The following PPEF1 variants were observed in gnomAD, a reference collection of about 807,000 sequenced individuals.
The protein encoded by PPEF1 is protein phosphatase with EF-hand domain 1.
PPEF1 carries 12 observed loss-of-function variants against 53.3 expected under a neutral mutation model. The observed-to-expected ratio is 0.23, with a 90% confidence interval of 0.14 to 0.36. The LOEUF (loss-of-function observed/expected upper bound fraction) is 0.36, where lower values mean the gene tolerates loss of function less well. Among genes scored for constraint, PPEF1 ranks in the 10% least tolerant of loss-of-function variants. PPEF1 has a pLI of 1.00. For missense variants in PPEF1, 334 were observed against 490.4 expected, an observed-to-expected ratio of 0.68 and a Z score of 3.01; for synonymous variants, 165 against 176.7, an observed-to-expected ratio of 0.93 and a Z score of 0.52.
chrX:18,801,660 G>A (rs566625164), intron 10 of PPEF1, among the ~76,000 whole-genome samples: 17 of 111,388 alleles, frequency 1.5e-4, no homozygotes, highest in South Asian at 1.1e-3. Context: ...TTTTCTCACC[G>A]CTTTAAGCTG....
At chrX:18,788,046 G>A (rs1223883885) in intron 9 of PPEF1, among the ~76,000 whole-genome samples, 1 of 112,122 alleles carries the variant, frequency 8.9e-6, no homozygotes, top group Non-Finnish European at 1.9e-5. Context: ...GCCGGGTGCA[G>A]TGGCTCACGC....
upstream of PPEF1, among the ~76,000 whole-genome samples, chrX:18,682,899 A>C (rs1036517574): frequency 9.0e-6 from 1 of 111,502 alleles, no homozygotes; most frequent in Middle Eastern, 4.6e-3. Flanking sequence ...GCAATTTATA[A>C]AGGAAAGAGG....
chrX:18,811,882 C>T (rs772021808), intron 12 of PPEF1, among the ~76,000 whole-genome samples: 7 of 110,999 alleles, frequency 6.3e-5, no homozygotes, highest in Non-Finnish European at 1.1e-4. Flanking sequence ...GCTGGGATTA[C>T]AGGCGTGAGC....
At chrX:18,677,182 GC>G (rs774122404) in intron 1 of PPEF1, among the ~76,000 whole-genome samples, 2 of 109,137 alleles carry the variant, frequency 1.8e-5, no homozygotes, top group East Asian at 2.9e-4. Context: ...GATTACAGGC[GC>G]CCCCCCACCA....
At chrX:18,771,941 C>T (rs1644858351) in intron 6 of PPEF1, among the ~76,000 whole-genome samples, 1 of 110,954 alleles carries the variant, frequency 9.0e-6, no homozygotes, top group Non-Finnish European at 1.9e-5. Context: ...ATGGCGAAAC[C>T]CCGTTTCTAC....
intron 15 of PPEF1, among the ~76,000 whole-genome samples, chrX:18,827,013 T>A (rs1056766470): frequency 9.0e-6 from 1 of 111,624 alleles, no homozygotes; most frequent in Admixed American, 9.6e-5. Flanking sequence ...CCACATTTAG[T>A]CCCATAGTCC....
At chrX:18,807,431 T>A (rs1255197732) in intron 12 of PPEF1, among the ~76,000 whole-genome samples, 1 of 112,199 alleles carries the variant, frequency 8.9e-6, no homozygotes, top group Non-Finnish European at 1.9e-5. Flanking sequence ...CCTTTCTCAA[T>A]TATCCTTTTC....
In PPEF1 at chrX:18,827,788, G is replaced by A. The variant is rs1432683374; in HGVS notation, c.*301G>A. On this transcript the variant is annotated 3_prime_UTR_variant, in exon 16 of 16. Coordinates refer to ENST00000470157, the MANE Select transcript of PPEF1 (RefSeq NM_001377996.1). ...TGCCACCTAACCAGGAGGCCAGAGC[G>A]GTTTGAAAACATCCTGAAAGGAACT... The A allele has an allele frequency of 1.3e-5, 3 of 227,669 alleles. No homozygotes were observed. The highest frequency in any genetic ancestry group is 5.7e-5 in the African/African-American group (2 of 35,357). The allele number at this position is 227,669 out of a possible 1,213,427, so 18.8% of individuals were successfully genotyped here.
upstream of PPEF1, among the ~76,000 whole-genome samples, chrX:18,680,734 A>G (rs1928852481): frequency 9.3e-6 from 1 of 107,815 alleles, no homozygotes; most frequent in African/African-American, 3.4e-5. Flanking sequence ...GTCGTTTAGC[A>G]TTGGGTATAT....
intron 4 of PPEF1, chrX:18,691,567 G>A (rs1465995597): frequency 9.0e-6 from 1 of 111,398 alleles, no homozygotes; most frequent in African/African-American, 3.3e-5. Flanking sequence ...TGTAGTCTTT[G>A]TTTTACTTTT....
intron 3 of PPEF1, among the ~76,000 whole-genome samples, chrX:18,734,414 T>C (rs1329297515): frequency 9.1e-6 from 1 of 109,702 alleles, no homozygotes; most frequent in Non-Finnish European, 1.9e-5. Context: ...TTGCTCAGAA[T>C]GATGGTTTCC....
chrX:18,802,998 C>T (rs762551597), intron 10 of PPEF1, among the ~76,000 whole-genome samples: 8 of 111,403 alleles, frequency 7.2e-5, no homozygotes, highest in East Asian at 5.6e-4. Context: ...AACCCAGCAG[C>T]GCTAGAGGAA....
chrX:18,680,451 C>CTTTTTTTTT (rs1569237720), upstream of PPEF1, among the ~76,000 whole-genome samples: 34 of 46,586 alleles, frequency 7.3e-4, no homozygotes, highest in Non-Finnish European at 9.5e-4. Context: ...TTTTTTGATA[C>CTTTTTTTTT]GGCATCTCGC....
rs185966918 is a variant in PPEF1, at chrX:18,803,820, C to A, written c.1066-72C>A. 1,129 of 971,636 alleles carry A rather than the reference C, an allele frequency of 1.2e-3. 11 individuals are homozygous for A. The African/African-American group carries it at 0.019, about 16-fold the overall frequency. The allele number at this position is 971,636 out of a possible 1,213,427, so 80.1% of individuals were successfully genotyped here. On this transcript the variant is annotated intron_variant, in intron 10 of 15. Coordinates refer to ENST00000470157, the MANE Select transcript of PPEF1 (RefSeq NM_001377996.1). ...GGATACCTTGGGTTAATATTTCTGA[C>A]AAATAAGTTGGAATCTAGAAAGATA...
intron 4 of PPEF1, among the ~76,000 whole-genome samples, chrX:18,696,593 CAAGAAT>C (rs1929737764): frequency 8.9e-6 from 1 of 111,999 alleles, no homozygotes; most frequent in Non-Finnish European, 1.9e-5. Context: ...GAAAAGTTAA[CAAGAAT>C]AAGAAAATAG....
In PPEF1 at chrX:18,761,668, C is replaced by G. The variant is rs983783122; in HGVS notation, c.558+92C>G. 1.5e-5 allele frequency: 9 copies of G among 598,954 alleles called. No individual in the cohort carries two copies. The African/African-American group carries it at 2.0e-4, about 13-fold the overall frequency. 49.4% of individuals were successfully genotyped at this position (598,954 alleles called of 1,213,427 possible). On this transcript the variant is annotated intron_variant, in intron 6 of 15. Coordinates refer to ENST00000470157, the MANE Select transcript of PPEF1 (RefSeq NM_001377996.1). ...ATATTAGTTTTACTAGAGATATGTACTAATACAGATATAATGTTACTGTTT... is the reference window on the plus strand; with the variant it reads ...ATATTAGTTTTACTAGAGATATGTAGTAATACAGATATAATGTTACTGTTT...
At chrX:18,807,722 C>T (rs189615086) in intron 12 of PPEF1, among the ~76,000 whole-genome samples, 14 of 111,215 alleles carry the variant, frequency 1.3e-4, no homozygotes, top group African/African-American at 3.9e-4. Flanking sequence ...TGCAGTGGCA[C>T]GATCTTGGCT....
chrX:18,818,966 C>T (rs1006624767), intron 13 of PPEF1, among the ~76,000 whole-genome samples: 1 of 111,743 alleles, frequency 8.9e-6, no homozygotes, highest in Non-Finnish European at 1.9e-5. Context: ...GAATTTGAGA[C>T]TTCCATCATC....
intron 12 of PPEF1, 94 bp downstream of exon 12, chrX:18,806,639 A>G: frequency 1.2e-6 from 1 of 851,589 alleles, no homozygotes; most frequent in Non-Finnish European, 1.6e-6. Flanking sequence ...GAGTGAAGAG[A>G]GTCATTTATA....
Sources: gnomAD v4.1 joint callset for allele counts (sites outside exome capture counted in the v4.1 genomes callset) on GRCh38, gnomAD v4.1.1 for gene constraint, MANE v1.5 for transcripts, NCBI Gene and HGNC (gene_info 2026-07-23, HGNC 2026-07-21) for gene names.